ASAP1: variants seen among roughly 807,000 people sequenced by gnomAD.
ASAP1 encodes the protein ArfGAP with SH3 domain, ankyrin repeat and PH domain 1, also known as arf-GAP with SH3 domain, ANK repeat and PH domain-containing protein 1.
Under a neutral mutation model 145.2 loss-of-function variants are expected in ASAP1, and 43 were observed. The observed-to-expected ratio is 0.30, with a 90% confidence interval of 0.23 to 0.38. The LOEUF is 0.38. Among genes scored for constraint, ASAP1 ranks in the 10% least tolerant of loss-of-function variants. ASAP1 has a pLI of 1.00. For missense variants in ASAP1, 1,018 were observed against 1,355.3 expected (o/e 0.75, Z 3.91); for synonymous variants, 546 against 515.5 (o/e 1.06, Z -0.80).
At chr8:130,123,110 T>C (rs79559002) in intron 18 of ASAP1, among the ~76,000 whole-genome samples, 2,950 of 152,348 alleles carry the variant, frequency 0.019, 99 homozygotes, top group African/African-American at 0.066. Context: ...GGCTCTACCA[T>C]AGAGTATTTC....
Position 130,255,685 on chromosome 8 carries a change from A to G in ASAP1, c.187-18691T>C, listed in dbSNP as rs186068320. ...TTTTAAGTTGTGTGTGTTTAAAAATATGATTATGAATTATCAGCAAACACG... is the reference window on the plus strand; with the variant it reads ...TTTTAAGTTGTGTGTGTTTAAAAATGTGATTATGAATTATCAGCAAACACG... On this transcript the variant is annotated intron_variant, in intron 3 of 29. Coordinates refer to ENST00000518721, the MANE Select transcript of ASAP1 (RefSeq NM_018482.4). Among the ~76,000 whole-genome samples the G allele has an allele frequency of 2.6e-5, 4 of 152,342 alleles. No individual in the cohort carries two copies. The South Asian group carries it at 6.2e-4, about 24-fold the overall frequency.
In ASAP1 at chr8:130,052,890, T is replaced by A. The variant is rs1265358269; in HGVS notation, c.*1841A>T. 5 of 152,168 alleles carry A rather than the reference T, an allele frequency of 3.3e-5. No individual in the cohort carries two copies. Among genetic ancestry groups the A allele is most frequent in the African/African-American group, 1.2e-4 (5 of 41,444 alleles). 9.4% of individuals were successfully genotyped at this position (152,168 alleles called of 1,614,324 possible). A position where few individuals can be genotyped will look rare whatever the true frequency, so the allele number is the denominator to read the frequency against. ...CAGATGCAGACTTCCATCCGGACAC[T>A]GGTGTGGCTTCAGTACCGAGGCTGC... On this transcript the variant is annotated 3_prime_UTR_variant, in exon 30 of 30. Transcript: ENST00000518721.
At chr8:130,212,460 GAGGC>G (rs1006992643) in intron 5 of ASAP1, among the ~76,000 whole-genome samples, 2 of 152,182 alleles carry the variant, frequency 1.3e-5, no homozygotes, top group African/African-American at 4.8e-5. Context: ...TGAGGTGACA[GAGGC>G]AGGATATTGT....
intron 24 of ASAP1, among the ~76,000 whole-genome samples, chr8:130,105,461 C>T (rs2097535382): frequency 6.6e-6 from 1 of 152,162 alleles, no homozygotes; most frequent in African/African-American, 2.4e-5. Context: ...TTCACGTATG[C>T]ATCTTTTTCT....
intron 3 of ASAP1, among the ~76,000 whole-genome samples, chr8:130,294,689 G>T (rs1471215348): frequency 2.0e-5 from 3 of 152,192 alleles, no homozygotes; most frequent in East Asian, 3.8e-4. Context: ...AAAGCATCAA[G>T]AGTCACAAGT....
chr8:130,107,041 C>T (rs971601790), intron 24 of ASAP1, among the ~76,000 whole-genome samples: 2 of 152,180 alleles, frequency 1.3e-5, no homozygotes, highest in East Asian at 3.8e-4. Flanking sequence ...ATTTCATGCT[C>T]TCTAAGCAAG....
chr8:130,264,818 G>A (rs916606952), intron 3 of ASAP1, among the ~76,000 whole-genome samples: 1 of 152,124 alleles, frequency 6.6e-6, no homozygotes, highest in African/African-American at 2.4e-5. Context: ...TGATCACTAT[G>A]TACGCAAAGG....
intron 23 of ASAP1, among the ~76,000 whole-genome samples, chr8:130,113,287 C>CGACAT (rs1341251622): frequency 6.6e-6 from 1 of 152,094 alleles, no homozygotes; most frequent in African/African-American, 2.4e-5. Context: ...TCCATTCCTC[C>CGACAT]GACATCCAGA....
At chr8:130,397,054 G>A (rs1828562148) in intron 2 of ASAP1, among the ~76,000 whole-genome samples, 1 of 152,120 alleles carries the variant, frequency 6.6e-6, no homozygotes, top group Non-Finnish European at 1.5e-5. Flanking sequence ...TATTCCCTTG[G>A]ACTTGAGTTT....
intron 4 of ASAP1, among the ~76,000 whole-genome samples, chr8:130,221,144 G>A (rs1817271448): frequency 6.6e-6 from 1 of 152,130 alleles, no homozygotes; most frequent in African/African-American, 2.4e-5. Flanking sequence ...TGAGGCAGGA[G>A]GCTTGCTGGA....
chr8:130,139,697 C>G (rs1370591825), intron 13 of ASAP1, among the ~76,000 whole-genome samples: 1 of 151,612 alleles, frequency 6.6e-6, no homozygotes, highest in East Asian at 1.9e-4. Context: ...CCATTGCACT[C>G]CAGCCTGGGC....
In ASAP1 at chr8:130,118,574, G is replaced by A; in HGVS notation, c.1709C>T (p.Ala570Val). 6.2e-7 allele frequency: 1 copy of A among 1,614,088 alleles called. No homozygotes were observed. The highest frequency in any genetic ancestry group is 8.5e-7 in the Non-Finnish European group (1 of 1,179,980). Residue 570 changes from alanine (A) to valine (V), a missense_variant, in exon 19 of 30, where the codon GCC becomes GTC. Physicochemically the swap from Ala to Val is moderately conservative, Grantham distance 64 (BLOSUM62 0). Transcript: ENST00000518721. ...SSAKLNELLE[A>V]IKSRDLLALI... ...TGCAAGTAAATCCCTGGATTTGATG[G>A]CCTCAAGCAATTCATTTAGTTTAGC... is the stretch of plus-strand genomic sequence containing the variant.
chr8:130,326,482 C>T (rs939593812), intron 3 of ASAP1, among the ~76,000 whole-genome samples: 1 of 152,222 alleles, frequency 6.6e-6, no homozygotes, highest in Non-Finnish European at 1.5e-5. Flanking sequence ...TCAATACACA[C>T]CACGAACAGA....
At chr8:130,120,897 T>A (rs1230224396) in intron 18 of ASAP1, among the ~76,000 whole-genome samples, 1 of 152,220 alleles carries the variant, frequency 6.6e-6, no homozygotes, top group African/African-American at 2.4e-5. Context: ...TAGATTTGTC[T>A]GGAAATCTGG....
intron 3 of ASAP1, among the ~76,000 whole-genome samples, chr8:130,355,676 G>A (rs1387341318): frequency 6.6e-6 from 1 of 152,060 alleles, no homozygotes; most frequent in East Asian, 1.9e-4. Flanking sequence ...GAACTGAATT[G>A]TGACCCACCT....
At chr8:130,125,413 C>CT (rs1042321448) in intron 17 of ASAP1, among the ~76,000 whole-genome samples, 1 of 152,036 alleles carries the variant, frequency 6.6e-6, no homozygotes, top group Admixed American at 6.6e-5. Flanking sequence ...TACATAACCC[C>CT]TTTTTTGGAT....
intron 2 of ASAP1, among the ~76,000 whole-genome samples, chr8:130,388,462 A>G (rs933175475): frequency 3.9e-5 from 6 of 152,186 alleles, no homozygotes; most frequent in Non-Finnish European, 7.4e-5. Context: ...AAATGGGGAT[A>G]TTAATTAGGC....
chr8:130,366,256 G>C (rs1489712506), intron 2 of ASAP1, among the ~76,000 whole-genome samples: 1 of 152,198 alleles, frequency 6.6e-6, no homozygotes, highest in Non-Finnish European at 1.5e-5. Context: ...TTTAAAAATT[G>C]TAACAGTATA....
chr8:130,159,088 AAAG>A (rs559747046), intron 12 of ASAP1, among the ~76,000 whole-genome samples: 2 of 152,138 alleles, frequency 1.3e-5, no homozygotes, highest in African/African-American at 2.4e-5. Context: ...AACTGCAGAA[AAAG>A]AAGAATGAGC....
Sources: gnomAD v4.1 joint callset for allele counts (sites outside exome capture counted in the v4.1 genomes callset) on GRCh38, gnomAD v4.1.1 for gene constraint, MANE v1.5 for transcripts, NCBI Gene and HGNC (gene_info 2026-07-23, HGNC 2026-07-21) for gene names.